The following MECOM variants were observed in gnomAD, a reference collection of about 807,000 sequenced individuals.
MECOM encodes MDS1 and EVI1 complex locus.
MECOM carries 13 observed loss-of-function variants against 116.3 expected under a neutral mutation model. The observed-to-expected ratio is 0.11, with a 90% CI of 0.07 to 0.18. The LOEUF (loss-of-function observed/expected upper bound fraction) is 0.18, where lower values mean the gene tolerates loss of function less well. MECOM is among the 10% of genes least tolerant of loss of function. MECOM has a pLI of 1.00. For synonymous variants in MECOM, 528 were observed against 535.2 expected (o/e 0.99, Z 0.19); for missense variants, 1,299 against 1,509.0 (o/e 0.86, Z 2.31).
At chr3:169,237,965 A>C (rs1259335313) in intron 2 of MECOM, among the ~76,000 whole-genome samples, 4 of 152,022 alleles carry the variant, frequency 2.6e-5, no homozygotes, top group Non-Finnish European at 5.9e-5. Flanking sequence ...TCACGAGGTA[A>C]GGAGTTCAAG....
intron 2 of MECOM, among the ~76,000 whole-genome samples, chr3:169,282,773 T>G (rs1336331533): frequency 6.6e-6 from 1 of 151,912 alleles, no homozygotes; most frequent in Non-Finnish European, 1.5e-5. Flanking sequence ...TGTTAATATA[T>G]TTATTTATAA....
At chr3:169,140,737 AACT>A (rs72043239) in intron 3 of MECOM, among the ~76,000 whole-genome samples, 119,410 of 151,592 alleles carry the variant, frequency 0.79, 47,732 homozygotes, top group Non-Finnish European at 0.84. Flanking sequence ...GGAAAATTTA[AACT>A]ACTCAGGAAA....
chr3:169,400,492 A>G (rs969008534), intron 1 of MECOM, among the ~76,000 whole-genome samples: 1 of 152,172 alleles, frequency 6.6e-6, no homozygotes. Context: ...CGTCATTCCC[A>G]GTTGATCTGC....
At chr3:169,567,122 A>T (rs1763337726) in intron 1 of MECOM, among the ~76,000 whole-genome samples, 1 of 151,178 alleles carries the variant, frequency 6.6e-6, no homozygotes, top group Non-Finnish European at 1.5e-5. Context: ...AGAAGTGGAC[A>T]ATCAGGAGAG....
intron 2 of MECOM, among the ~76,000 whole-genome samples, chr3:169,168,739 T>C (rs1743978173): frequency 6.6e-6 from 1 of 152,030 alleles, no homozygotes; most frequent in Admixed American, 6.6e-5. Context: ...GAGGGAACTC[T>C]TCTGGTTGGA....
intron 1 of MECOM, among the ~76,000 whole-genome samples, chr3:169,554,842 TA>T (rs1446411510): frequency 6.6e-6 from 1 of 152,038 alleles, no homozygotes; most frequent in Non-Finnish European, 1.5e-5. Flanking sequence ...AAGGAGGTAA[TA>T]GGGGGTTGGG....
Position 169,147,166 on chromosome 3 carries a change from T to C in MECOM, c.376-3334A>G, listed in dbSNP as rs1009667891. ...TCAGCCCGATGTGTAATGAAAGTTA[T>C]CTGAAACCCACTAAAACTTCTACTT... is the stretch of plus-strand genomic sequence containing the variant. On this transcript the variant is annotated intron_variant, in intron 2 of 16. Coordinates refer to ENST00000651503, the MANE Select transcript of MECOM (RefSeq NM_004991.4). 5.7e-5 allele frequency: 56 copies of C among 985,542 alleles called. 1 individual carries two copies. In the African/African-American group the frequency reaches 9.2e-4, roughly 16 times the overall value. The allele number at this position is 985,542 out of a possible 1,614,324, so 61.0% of individuals were successfully genotyped here.
intron 1 of MECOM, among the ~76,000 whole-genome samples, chr3:169,661,537 A>G (rs1419458816): frequency 6.6e-6 from 1 of 152,172 alleles, no homozygotes; most frequent in Admixed American, 6.5e-5. Context: ...AAAGAGCCCT[A>G]TATTTAGGTT....
At chr3:169,260,589 A>C (rs554852631) in intron 2 of MECOM, among the ~76,000 whole-genome samples, 1 of 152,262 alleles carries the variant, frequency 6.6e-6, no homozygotes, top group African/African-American at 2.4e-5. Flanking sequence ...TATGGCAAAG[A>C]ACTGCATGAG....
chr3:169,281,245 A>G (rs1711925355), intron 2 of MECOM, among the ~76,000 whole-genome samples: 1 of 152,206 alleles, frequency 6.6e-6, no homozygotes, highest in Non-Finnish European at 1.5e-5. Flanking sequence ...TCACATTCAC[A>G]TTGCCATCTG....
At chr3:169,110,602 T>C (rs1727038702) in intron 9 of MECOM, among the ~76,000 whole-genome samples, 1 of 152,212 alleles carries the variant, frequency 6.6e-6, no homozygotes, top group Non-Finnish European at 1.5e-5. Flanking sequence ...CCCTGCTTCC[T>C]TGGCCTCTTC....
chr3:169,493,576 C>CATATAT (rs57415812), intron 1 of MECOM, among the ~76,000 whole-genome samples: 2 of 150,600 alleles, frequency 1.3e-5, no homozygotes, highest in African/African-American at 4.9e-5. Context: ...CATATGTATA[C>CATATAT]ATATATATAT....
chr3:169,180,668 C>A (rs1259979274), intron 2 of MECOM, among the ~76,000 whole-genome samples: 2 of 151,288 alleles, frequency 1.3e-5, no homozygotes, highest in South Asian at 4.2e-4. Context: ...AGCTTCTTCA[C>A]CTTCTTTCCT....
intron 2 of MECOM, among the ~76,000 whole-genome samples, chr3:169,175,303 A>C (rs1293911108): frequency 6.6e-6 from 1 of 152,038 alleles, no homozygotes; most frequent in East Asian, 1.9e-4. Flanking sequence ...AAAATATGAC[A>C]TTTTTGAGTG....
At chr3:169,246,713 G>T (rs1487044390) in intron 2 of MECOM, among the ~76,000 whole-genome samples, 1 of 151,948 alleles carries the variant, frequency 6.6e-6, no homozygotes, top group Admixed American at 6.6e-5. Flanking sequence ...GTAGAGACAG[G>T]GTTTTACTCT....
intron 1 of MECOM, chr3:169,470,275 A>G (rs879679947): frequency 5.3e-5 from 8 of 152,220 alleles, no homozygotes; most frequent in Admixed American, 4.6e-4. Flanking sequence ...GGAAAAAATA[A>G]TAAAAGGTCT....
chr3:169,123,156 CTTGTGAGCTTAATACTCACTT>C (rs1368807948), intron 5 of MECOM, among the ~76,000 whole-genome samples: 1 of 151,384 alleles, frequency 6.6e-6, no homozygotes, highest in East Asian at 1.9e-4. Flanking sequence ...ATTAAGCTCA[CTTGTGAGCTTAATACTCACTT>C]AACTGAAACA....
rs567487141 is a variant in MECOM at position 169,257,716 on chromosome 3, C to CT, written c.376-113885dup. On this transcript the variant is annotated intron_variant, in intron 2 of 16. Transcript: ENST00000651503. ...ATAAGTTTATCACCTTTTTCTTTCC[C>CT]TTTTTTCCATCGGGCACATAATAAT... Among the ~76,000 whole-genome samples, 25 of 152,208 alleles carry CT rather than the reference C, an allele frequency of 1.6e-4. No homozygotes were observed. The East Asian group carries it at 4.1e-3, about 25-fold the overall frequency.
chr3:169,600,624 G>A (rs990468733), intron 1 of MECOM, among the ~76,000 whole-genome samples: 14 of 152,272 alleles, frequency 9.2e-5, no homozygotes, highest in African/African-American at 2.9e-4. Flanking sequence ...CAGGAAACTC[G>A]GCTGGTGTTT....
Sources: gnomAD v4.1 joint callset for allele counts (sites outside exome capture counted in the v4.1 genomes callset) on GRCh38, gnomAD v4.1.1 for gene constraint, MANE v1.5 for transcripts, NCBI Gene and HGNC (gene_info 2026-07-23, HGNC 2026-07-21) for gene names.